TBXAS1: variants seen among roughly 807,000 people sequenced by gnomAD.
TBXAS1 encodes the protein thromboxane A synthase 1.
A neutral mutation model predicts 60.7 loss-of-function variants in TBXAS1; 48 were observed. The observed-to-expected ratio is 0.79, with a 90% CI of 0.63 to 1.01. TBXAS1 has a LOEUF of 1.01. Ranked by LOEUF, TBXAS1 falls within the 50% of genes least tolerant of loss-of-function variation. The pLI is 0.00. For synonymous variants in TBXAS1, 287 were observed against 269.7 expected, an observed-to-expected ratio of 1.06 and a Z score of -0.63; for missense variants, 685 against 686.3, an observed-to-expected ratio of 1.00 and a Z score of 0.02.
At chr7:139,915,917 A>G (rs371077864) in intron 4 of TBXAS1, among the ~76,000 whole-genome samples, 1 of 151,970 alleles carries the variant, frequency 6.6e-6, no homozygotes, top group African/African-American at 2.4e-5. Context: ...CATCTTGCTC[A>G]TTTTCCACGT....
intron 4 of TBXAS1, among the ~76,000 whole-genome samples, chr7:139,813,789 T>C (rs1487534273): frequency 2.0e-5 from 3 of 152,212 alleles, no homozygotes; most frequent in Non-Finnish European, 4.4e-5. Context: ...TGTGTATGTA[T>C]CTTTTTCTGC....
intron 1 of TBXAS1, among the ~76,000 whole-genome samples, chr7:139,840,233 T>C (rs575486725): frequency 7.4e-4 from 113 of 152,178 alleles, no homozygotes; most frequent in Middle Eastern, 3.4e-3. Context: ...GAAGGCACCA[T>C]TGGGATGGAA....
In TBXAS1 at chr7:139,829,461, T is replaced by C; in HGVS notation, c.71T>C (p.Leu24Pro). 5.0e-6 allele frequency: 8 copies of C among 1,613,908 alleles called. No homozygotes were observed. Among genetic ancestry groups the C allele is most frequent in the Non-Finnish European group, 6.8e-6 (8 of 1,179,946 alleles). Reference protein sequence around the residue: ...PMVTVALSVALLALLKWYSTS... With the variant: ...PMVTVALSVAPLALLKWYSTS... ...GTGACGGTGGCCCTGTCAGTGGCTC[T>C]CTTGGCCCTCCTGAAATGGTAAGTG... Residue 24 changes from leucine to proline, a missense_variant, in exon 1 of 13, where the codon CTC becomes CCC. Physicochemically the swap from Leu to Pro is moderately conservative, Grantham distance 98 (BLOSUM62 -3). Transcript: ENST00000448866.
chr7:139,860,510 A>T (rs1800887218), intron 1 of TBXAS1, among the ~76,000 whole-genome samples: 1 of 152,242 alleles, frequency 6.6e-6, no homozygotes, highest in Non-Finnish European at 1.5e-5. Context: ...AGATGTGATT[A>T]AGTTGAAGAT....
intron 1 of TBXAS1, among the ~76,000 whole-genome samples, chr7:139,839,851 G>A (rs1799313405): frequency 6.6e-6 from 1 of 151,610 alleles, no homozygotes. Context: ...GACAGGGCAA[G>A]ATCCTGTCTG....
chr7:139,929,445 T>A (rs555085247), intron 4 of TBXAS1, among the ~76,000 whole-genome samples: 23 of 152,106 alleles, frequency 1.5e-4, no homozygotes, highest in Non-Finnish European at 1.6e-4. Flanking sequence ...AAAATGGCTA[T>A]GACAGAGCAT....
intron 3 of TBXAS1, among the ~76,000 whole-genome samples, chr7:139,785,763 T>C (rs1225158194): frequency 6.6e-6 from 1 of 152,042 alleles, no homozygotes; most frequent in Non-Finnish European, 1.5e-5. Flanking sequence ...AATCCCATCA[T>C]GATCTGCCCA....
chr7:139,875,707 G>T (rs753923972), intron 3 of TBXAS1, 70 bp downstream of exon 3: 2 of 1,544,196 alleles, frequency 1.3e-6, no homozygotes, highest in Middle Eastern at 1.7e-4. Flanking sequence ...TGATTTTCAC[G>T]TGTTGAACTG....
At chr7:139,805,532 G>A (rs887999088) in intron 4 of TBXAS1, among the ~76,000 whole-genome samples, 3 of 152,104 alleles carry the variant, frequency 2.0e-5, no homozygotes, top group Non-Finnish European at 4.4e-5. Flanking sequence ...GAGTTGAATT[G>A]TGAGTCTTCC....
At chr7:139,939,510 T>C (rs1808102060) in intron 5 of TBXAS1, among the ~76,000 whole-genome samples, 1 of 151,862 alleles carries the variant, frequency 6.6e-6, no homozygotes, top group Admixed American at 6.6e-5. Context: ...TTTAGGTTCT[T>C]GGGTTTGCGT....
chr7:139,865,292 A>G (rs765099865), intron 1 of TBXAS1, among the ~76,000 whole-genome samples: 3 of 152,198 alleles, frequency 2.0e-5, no homozygotes, highest in Non-Finnish European at 2.9e-5. Flanking sequence ...AGCAGTTTCA[A>G]TCCTTACAGT....
intron 9 of TBXAS1, among the ~76,000 whole-genome samples, chr7:139,997,113 T>C (rs867748749): frequency 2.6e-5 from 4 of 152,162 alleles, no homozygotes; most frequent in Admixed American, 6.6e-5. Context: ...AAATAAATGG[T>C]TTCCCAAATA....
chr7:139,936,710 C>T (rs114686314), intron 5 of TBXAS1, among the ~76,000 whole-genome samples: 1,666 of 152,334 alleles, frequency 0.011, 23 homozygotes, highest in African/African-American at 0.036. Flanking sequence ...GCCTAAGAAT[C>T]TGCATTTATA....
chr7:140,011,998 C>T (rs1814655230), intron 10 of TBXAS1, among the ~76,000 whole-genome samples: 1 of 152,154 alleles, frequency 6.6e-6, no homozygotes. Flanking sequence ...TTCTCATGTC[C>T]TGTGTTAAGG....
chr7:139,951,852 AAGGAAG>A (rs1809333914), intron 5 of TBXAS1, among the ~76,000 whole-genome samples: 2 of 11,856 alleles, frequency 1.7e-4, no homozygotes, highest in East Asian at 4.0e-3. Context: ...AGAAGGAAGG[AAGGAAG>A]GAAAGAAGGA....
intron 7 of TBXAS1, among the ~76,000 whole-genome samples, chr7:139,955,972 A>C (rs1809838431): frequency 6.6e-6 from 1 of 152,118 alleles, no homozygotes; most frequent in Non-Finnish European, 1.5e-5. Flanking sequence ...AGAAAGGCCG[A>C]GCTGAGACTG....
At chr7:139,850,061 G>A (rs1471323802) in intron 1 of TBXAS1, among the ~76,000 whole-genome samples, 1 of 152,230 alleles carries the variant, frequency 6.6e-6, no homozygotes, top group Admixed American at 6.5e-5. Context: ...GTGCTGGCTA[G>A]TGGCTGTCAG....
intron 4 of TBXAS1, among the ~76,000 whole-genome samples, chr7:139,929,077 C>T (rs933354573): frequency 2.6e-5 from 4 of 152,192 alleles, no homozygotes; most frequent in African/African-American, 7.2e-5. Context: ...AAGGGTCTAA[C>T]GGAATAATGC....
chr7:139,907,535 G>A (rs1372913431), intron 3 of TBXAS1, among the ~76,000 whole-genome samples: 1 of 152,048 alleles, frequency 6.6e-6, no homozygotes, highest in East Asian at 1.9e-4. Context: ...AAATTGAGTT[G>A]TGAAGTGTTC....
Sources: allele counts gnomAD v4.1 joint callset (sites outside exome capture counted in the v4.1 genomes callset), GRCh38; gene constraint gnomAD v4.1.1; transcripts MANE v1.5; gene names NCBI Gene and HGNC (gene_info 2026-07-23, HGNC 2026-07-21).